Variants in XRCC4 observed in about 807,000 individuals in gnomAD.
The protein encoded by XRCC4 is X-ray repair cross complementing 4.
Under a neutral mutation model 39.1 loss-of-function variants are expected in XRCC4, and 28 were observed. The ratio of observed to expected loss-of-function variants is 0.72; its 90% CI spans 0.53 to 0.98. The LOEUF (loss-of-function observed/expected upper bound fraction) is 0.98, where lower values mean the gene tolerates loss of function less well. XRCC4 is among the 50% of genes least tolerant of loss of function. The pLI is 0.00. For missense variants in XRCC4, 350 were observed against 376.4 expected, an observed-to-expected ratio of 0.93 and a Z score of 0.58; for synonymous variants, 123 against 126.4, an observed-to-expected ratio of 0.97 and a Z score of 0.18.
intron 3 of XRCC4, among the ~76,000 whole-genome samples, chr5:83,170,830 G>T (rs1201295006): frequency 1.3e-5 from 2 of 152,108 alleles, no homozygotes; most frequent in South Asian, 2.1e-4. Context: ...AAAGGAGGGG[G>T]ATTATACGGG....
At chr5:83,332,826 GA>G (rs1222983738) in intron 7 of XRCC4, among the ~76,000 whole-genome samples, 1 of 152,162 alleles carries the variant, frequency 6.6e-6, no homozygotes, top group Non-Finnish European at 1.5e-5. Context: ...ATAATGAAGG[GA>G]AAAGAAGGAG....
At chr5:83,287,499 G>C (rs1754776216) in intron 7 of XRCC4, among the ~76,000 whole-genome samples, 1 of 152,078 alleles carries the variant, frequency 6.6e-6, no homozygotes, top group African/African-American at 2.4e-5. Context: ...ATTTACAATA[G>C]TTTTATTTGC....
chr5:83,372,536 G>T, the XRCC4 span, among the ~76,000 whole-genome samples: 1,209 of 152,206 alleles, frequency 7.9e-3, 7 homozygotes, highest in Non-Finnish European at 0.012. Flanking sequence ...ATTGTGAGGG[G>T]TCTGTAAATC....
intron 3 of XRCC4, among the ~76,000 whole-genome samples, chr5:83,118,260 A>G (rs930943959): frequency 6.6e-6 from 1 of 151,328 alleles, no homozygotes; most frequent in African/African-American, 2.4e-5. Flanking sequence ...TGGCTTTATG[A>G]TATTGGAGAC....
chr5:83,144,276 TGTGTGTG>T (rs1385017315), intron 3 of XRCC4, among the ~76,000 whole-genome samples: 3 of 131,264 alleles, frequency 2.3e-5, no homozygotes, highest in Non-Finnish European at 4.6e-5. Flanking sequence ...TCTGTGTGTG[TGTGTGTG>T]TGTGTGTGTG....
intron 3 of XRCC4, among the ~76,000 whole-genome samples, chr5:83,148,030 C>T (rs563530320): frequency 4.6e-5 from 7 of 152,132 alleles, no homozygotes; most frequent in Non-Finnish European, 7.4e-5. Flanking sequence ...TCAGGTGATT[C>T]GCCCTCCTCG....
intron 7 of XRCC4, among the ~76,000 whole-genome samples, chr5:83,302,835 A>G (rs534759741): frequency 1.6e-4 from 25 of 152,350 alleles, no homozygotes; most frequent in African/African-American, 6.0e-4. Context: ...AATCCTTATA[A>G]TAATTCAATG....
chr5:83,353,353 T>A lies in XRCC4; in HGVS notation c.*111T>A. 1.2e-6 allele frequency: 1 copy of A among 812,730 alleles called. No individual in the cohort carries two copies. Among genetic ancestry groups the A allele is most frequent in the Non-Finnish European group, 1.9e-6 (1 of 517,064 alleles). 50.3% of individuals were successfully genotyped at this position (812,730 alleles called of 1,614,324 possible). ...GCCGCTATTACCGTATCTTACAATT[T>A]AATTACATACACAGTGAATTGAAAC... On this transcript the variant is annotated 3_prime_UTR_variant, in exon 8 of 8. Coordinates refer to ENST00000396027, the MANE Select transcript of XRCC4 (RefSeq NM_003401.5).
intron 7 of XRCC4, among the ~76,000 whole-genome samples, chr5:83,332,505 T>C (rs1756470742): frequency 6.6e-6 from 1 of 152,188 alleles, no homozygotes; most frequent in Non-Finnish European, 1.5e-5. Context: ...GAGTGCTTGC[T>C]AAGTATTTGT....
rs201674454 is a variant in XRCC4 at position 83,218,703 on chromosome 5, A to G, written c.745+13782A>G. Among the ~76,000 whole-genome samples the G allele has an allele frequency of 3.9e-5, 6 of 152,184 alleles. No homozygotes were observed. The East Asian group carries it at 9.7e-4, about 25-fold the overall frequency. On this transcript the variant is annotated intron_variant, in intron 6 of 7. Coordinates refer to ENST00000396027, the MANE Select transcript of XRCC4 (RefSeq NM_003401.5). ...CTGAGAATTTACTTATCTTAGCACAAATGTCTGTTGGCATAACTAATGTTA... is the reference window on the plus strand; with the variant it reads ...CTGAGAATTTACTTATCTTAGCACAGATGTCTGTTGGCATAACTAATGTTA...
At chr5:83,119,360 T>C (rs2112436336) in intron 3 of XRCC4, among the ~76,000 whole-genome samples, 1 of 152,332 alleles carries the variant, frequency 6.6e-6, no homozygotes, top group East Asian at 1.9e-4. Flanking sequence ...TAAAAGTATT[T>C]GTGTACATGT....
downstream of XRCC4, among the ~76,000 whole-genome samples, chr5:83,356,998 A>G (rs1757197442): frequency 6.6e-6 from 1 of 152,234 alleles, no homozygotes; most frequent in Non-Finnish European, 1.5e-5. Flanking sequence ...CTACTTTGGA[A>G]AAGTTTTTCT....
intron 1 of XRCC4, among the ~76,000 whole-genome samples, chr5:83,082,920 T>C (rs764564198): frequency 1.3e-5 from 2 of 152,162 alleles, no homozygotes; most frequent in Non-Finnish European, 2.9e-5. Context: ...CAGCCATACT[T>C]ACCACCCTGT....
rs184271486 is a variant in XRCC4 at position 83,328,784 on chromosome 5, T to A, written c.894-24347T>A. Among the ~76,000 whole-genome samples, 6 of 152,170 alleles carry A rather than the reference T, an allele frequency of 3.9e-5. No homozygotes were observed. The East Asian group carries it at 1.2e-3, about 29-fold the overall frequency. Reference sequence around the variant, plus strand: ...TAATAGTAAAGCAAGATATTAGCACTGGGATAGACAACAGATAAAGGAAAG... The same window carrying A: ...TAATAGTAAAGCAAGATATTAGCACAGGGATAGACAACAGATAAAGGAAAG... On this transcript the variant is annotated intron_variant, in intron 7 of 7. Transcript: ENST00000396027.
At chr5:83,323,958 G>C (rs1209762659) in intron 7 of XRCC4, among the ~76,000 whole-genome samples, 1 of 152,012 alleles carries the variant, frequency 6.6e-6, no homozygotes, top group East Asian at 1.9e-4. Flanking sequence ...AGAGATGATA[G>C]GATAAGTTTA....
At chr5:83,340,904 T>C (rs1029744511) in intron 7 of XRCC4, among the ~76,000 whole-genome samples, 2 of 152,210 alleles carry the variant, frequency 1.3e-5, no homozygotes, top group African/African-American at 4.8e-5. Context: ...TGTCTACCCA[T>C]GTGTTTGCCA....
chr5:83,195,880 G>A lies in XRCC4; in HGVS notation c.426G>A (p.Glu142=). Residue 142 remains glutamate (E), a synonymous_variant, in exon 4 of 8, where the codon GAG becomes GAA. Transcript: ENST00000396027. ...TTGCAGAAAATCAAGCCAAAAATGAGCACCTGCAGAAAGAAAATGAAAGGC... is the reference window on the plus strand; with the variant it reads ...TTGCAGAAAATCAAGCCAAAAATGAACACCTGCAGAAAGAAAATGAAAGGC... ...DTIAENQAKN[E]HLQKENERLL... 13 of 1,611,696 alleles carry A rather than the reference G, an allele frequency of 8.1e-6. No homozygotes were observed. Among genetic ancestry groups the A allele is most frequent in the Non-Finnish European group, 1.1e-5 (13 of 1,178,534 alleles).
intron 7 of XRCC4, among the ~76,000 whole-genome samples, chr5:83,295,841 C>T (rs916988769): frequency 6.6e-6 from 1 of 152,008 alleles, no homozygotes; most frequent in Non-Finnish European, 1.5e-5. Context: ...ACTCTGTATA[C>T]TTTGGGAAGC....
chr5:83,101,946 A>C (rs1745958941), intron 1 of XRCC4, among the ~76,000 whole-genome samples: 1 of 111,446 alleles, frequency 9.0e-6, no homozygotes, highest in Non-Finnish European at 1.9e-5. Flanking sequence ...AATAACATAC[A>C]TAGAAAAACA....
Sources: gnomAD v4.1 joint callset for allele counts (sites outside exome capture counted in the v4.1 genomes callset) on GRCh38, gnomAD v4.1.1 for gene constraint, MANE v1.5 for transcripts, NCBI Gene and HGNC (gene_info 2026-07-23, HGNC 2026-07-21) for gene names.